THAP4: variants seen among roughly 807,000 people sequenced by gnomAD.
The protein encoded by THAP4 is peroxynitrite isomerase THAP4.
In THAP4, 18 loss-of-function variants were observed where a neutral mutation model predicts 48.1. The observed-to-expected ratio is 0.37, with a 90% CI of 0.26 to 0.56. THAP4 has a LOEUF of 0.56. Ranked by LOEUF, THAP4 falls within the 20% of genes least tolerant of loss-of-function variation. THAP4 has a pLI of 0.78. For synonymous variants in THAP4, 345 were observed against 324.9 expected (o/e 1.06, Z -0.66); for missense variants, 656 against 774.9 (o/e 0.85, Z 1.82).
chr2:241,629,628 T>C (rs1254314041), intron 2 of THAP4, among the ~76,000 whole-genome samples: 7 of 151,820 alleles, frequency 4.6e-5, no homozygotes, highest in Admixed American at 1.3e-4. Flanking sequence ...AAAAAGACTT[T>C]TGGATTGAGT....
intron 5 of THAP4, chr2:241,594,714 T>C (rs1444038091): frequency 5.6e-6 from 1 of 179,976 alleles, no homozygotes; most frequent in Non-Finnish European, 1.2e-5. Context: ...GCCAAGATCT[T>C]GCTACTGTAT....
chr2:241,619,780 GGTGAGTGAGGGGTGCGTGAGTCGTGA>G (rs2067394089), intron 2 of THAP4, among the ~76,000 whole-genome samples: 3 of 136,626 alleles, frequency 2.2e-5, no homozygotes, highest in Non-Finnish European at 3.2e-5. Context: ...TGAGTGAGTC[GGTGAGTGAGGGGTGCGTGAGTCGTGA>G]GTGAGGGGTG....
In THAP4 at chr2:241,637,062, G is replaced by A. The variant is rs1476984322; in HGVS notation, c.-45C>T. ...GCGCAGCCAGGCCCCGGCCCTAGCCGCCCGCCCGCCCGCGGACCGCCCCGA... is the reference window on the plus strand; with the variant it reads ...GCGCAGCCAGGCCCCGGCCCTAGCCACCCGCCCGCCCGCGGACCGCCCCGA... On this transcript the variant is annotated 5_prime_UTR_variant, in exon 1 of 6. Transcript: ENST00000407315. 10 of 1,103,568 alleles carry A rather than the reference G, an allele frequency of 9.1e-6. No individual in the cohort carries two copies. In the African/African-American group the frequency reaches 1.0e-4, roughly 11 times the overall value. The allele number at this position is 1,103,568 out of a possible 1,614,324, so 68.4% of individuals were successfully genotyped here.
At chr2:241,631,422 T>C (rs946305932) in intron 2 of THAP4, among the ~76,000 whole-genome samples, 4 of 152,058 alleles carry the variant, frequency 2.6e-5, no homozygotes, top group Admixed American at 6.6e-5. Context: ...AACAGTAAAA[T>C]ATGGGAAAAA....
Position 241,637,074 on chromosome 2 carries a change from GC to G in THAP4, c.-58del. On this transcript the variant is annotated 5_prime_UTR_variant, in exon 1 of 6. Transcript: ENST00000407315. ...CCCGGCCCTAGCCGCCCGCCCGCCCGCGGACCGCCCCGAGGGAGGGAGCGCG... is the reference window on the plus strand; with the variant it reads ...CCCGGCCCTAGCCGCCCGCCCGCCCGGGACCGCCCCGAGGGAGGGAGCGCG... The G allele has an allele frequency of 9.2e-7, 1 of 1,084,050 alleles. No homozygotes were observed. Among genetic ancestry groups the G allele is most frequent in the Non-Finnish European group, 1.1e-6 (1 of 891,440 alleles). The allele number at this position is 1,084,050 out of a possible 1,614,324, so 67.2% of individuals were successfully genotyped here.
At chr2:241,609,654 G>A (rs2067237931) in intron 2 of THAP4, among the ~76,000 whole-genome samples, 2 of 152,190 alleles carry the variant, frequency 1.3e-5, no homozygotes, top group Non-Finnish European at 2.9e-5. Context: ...GGGCGTGGTG[G>A]CACACGCCTG....
intron 2 of THAP4, among the ~76,000 whole-genome samples, chr2:241,623,130 T>A (rs1024487416): frequency 2.0e-5 from 3 of 152,044 alleles, no homozygotes; most frequent in Non-Finnish European, 4.4e-5. Flanking sequence ...GCCTCCTGAA[T>A]CACTTGAACC....
In THAP4 at chr2:241,633,864, C is replaced by T. The variant is rs1291324020; in HGVS notation, c.293G>A (p.Gly98Asp). The change falls in exon 2 of 6, where the codon GGC becomes GAC. Residue 98 changes from glycine to aspartate, a missense_variant. Gly to Asp is a moderately conservative substitution (Grantham distance 94). Transcript: ENST00000407315. This position sits in a 1 kb window ranked among gnomAD's most constrained non-coding sequence, Gnocchi z 7.5. ...GCTGGCATCTTTTCTCCGGGTGCGG[C>T]CATGGCCTCCAGCCCCCCTCTTCTT... ...TEKKRGAGGH[G>D]RTRRKDASKA... 6.2e-7 allele frequency: 1 copy of T among 1,613,908 alleles called. No homozygotes were observed. Among genetic ancestry groups the T allele is most frequent in the Admixed American group, 1.7e-5 (1 of 60,014 alleles).
Position 241,584,569 on chromosome 2 carries a change from T to C in THAP4, c.*37A>G, listed in dbSNP as rs746749683. On this transcript the variant is annotated 3_prime_UTR_variant, in exon 6 of 6. Transcript: ENST00000407315. ...GAGGAGCCGAACCGTTGAGGCACAG[T>C]AGCCAGGCCCTCCCGAGGGCTCCAG... The C allele has an allele frequency of 2.9e-5, 46 of 1,613,372 alleles. No homozygotes were observed. Among genetic ancestry groups the C allele is most frequent in the Non-Finnish European group, 3.9e-5 (46 of 1,179,428 alleles).
In THAP4 at chr2:241,610,154, C is replaced by T. The variant is rs1472450791; in HGVS notation, c.1241-3681G>A. On this transcript the variant is annotated intron_variant, in intron 2 of 5. Coordinates refer to ENST00000407315, the MANE Select transcript of THAP4 (RefSeq NM_015963.6). This position sits in a 1 kb window ranked among gnomAD's most constrained non-coding sequence, Gnocchi z 4.2. ...TCCCAGTGGAACAGGGGCACCAGGG[C>T]CGCGGCGCCGGGCATGGCCTTCACA... Among the ~76,000 whole-genome samples, 1 of 152,212 alleles carries T rather than the reference C, an allele frequency of 6.6e-6. No individual in the cohort carries two copies. The highest frequency in any genetic ancestry group is 2.4e-5 in the African/African-American group (1 of 41,462).
intron 2 of THAP4, among the ~76,000 whole-genome samples, chr2:241,628,027 C>A (rs1431288832): frequency 6.6e-6 from 1 of 152,136 alleles, no homozygotes; most frequent in Admixed American, 6.5e-5. Flanking sequence ...CATCACTGGC[C>A]CCCTCTCCGC....
At chr2:241,590,490 G>C (rs374993368) in intron 5 of THAP4, among the ~76,000 whole-genome samples, 1 of 103,856 alleles carries the variant, frequency 9.6e-6, no homozygotes, top group Non-Finnish European at 2.0e-5. Flanking sequence ...AGAGCTGCTC[G>C]GCTGATGATA....
chr2:241,596,649 A>G (rs935750909), intron 5 of THAP4, among the ~76,000 whole-genome samples: 10 of 149,828 alleles, frequency 6.7e-5, no homozygotes, highest in Non-Finnish European at 1.3e-4. Flanking sequence ...TACTAAAAAT[A>G]TAAGAAATTA....
intron 2 of THAP4, among the ~76,000 whole-genome samples, chr2:241,623,847 T>C (rs1266744692): frequency 6.6e-6 from 1 of 152,206 alleles, no homozygotes; most frequent in Non-Finnish European, 1.5e-5. Context: ...AAACAATCTC[T>C]TTCTCTATAC....
intron 1 of THAP4, among the ~76,000 whole-genome samples, chr2:241,634,790 C>T (rs1364416350): frequency 6.6e-6 from 1 of 152,308 alleles, no homozygotes; most frequent in African/African-American, 2.4e-5. Flanking sequence ...CCACTGCTCC[C>T]CATCCTGGGG....
chr2:241,605,401 G>A (rs2067168676), intron 3 of THAP4, among the ~76,000 whole-genome samples: 2 of 152,036 alleles, frequency 1.3e-5, no homozygotes, highest in African/African-American at 2.4e-5. Flanking sequence ...TTTATATTTT[G>A]TTTAAACTTT....
At chr2:241,609,053 C>G (rs750598938) in intron 2 of THAP4, among the ~76,000 whole-genome samples, 4 of 152,320 alleles carry the variant, frequency 2.6e-5, no homozygotes, top group Non-Finnish European at 5.9e-5. Context: ...CAGAAGCCCT[C>G]GAGAAGGCTG....
intron 4 of THAP4, chr2:241,602,304 G>A (rs1052865099): frequency 2.0e-5 from 8 of 400,200 alleles, no homozygotes; most frequent in East Asian, 1.5e-4. Flanking sequence ...GGCAGAAGTC[G>A]CAGGTGGGAA....
chr2:241,584,800 C>T lies in THAP4; in HGVS notation c.1615-75G>A, dbSNP rs568308625. On this transcript the variant is annotated intron_variant, in intron 5 of 5. Coordinates refer to ENST00000407315, the MANE Select transcript of THAP4 (RefSeq NM_015963.6). The stretch of plus-strand genomic sequence containing the variant: ...TCAATCAATGCCTGTGCGCCCACTG[C>T]ATGCCACACACTCATCACGGGCTGT... The T allele has an allele frequency of 2.2e-5, 34 of 1,570,544 alleles. No individual in the cohort carries two copies. In the Admixed American group the frequency reaches 2.3e-4, roughly 11 times the overall value.
Sources: allele counts gnomAD v4.1 joint callset (sites outside exome capture counted in the v4.1 genomes callset), GRCh38; gene constraint gnomAD v4.1.1; non-coding constraint Gnocchi (gnomAD v3.1); transcripts MANE v1.5; gene names NCBI Gene and HGNC (gene_info 2026-07-23, HGNC 2026-07-21).